TMEM132B: variants seen among roughly 807,000 people sequenced by gnomAD.
TMEM132B encodes the protein transmembrane protein 132B.
In TMEM132B, 18 loss-of-function variants were observed where a neutral mutation model predicts 90.8. The observed-to-expected ratio is 0.20, with a 90% CI of 0.14 to 0.29. The LOEUF (loss-of-function observed/expected upper bound fraction) is 0.29. Among genes scored for constraint, TMEM132B ranks in the 10% least tolerant of loss-of-function variants. The pLI, the probability that TMEM132B is intolerant of heterozygous loss-of-function variation, is 1.00. For synonymous variants in TMEM132B, 504 were observed against 523.3 expected, an observed-to-expected ratio of 0.96 and a Z score of 0.50; for missense variants, 1,096 against 1,326.8, an observed-to-expected ratio of 0.83 and a Z score of 2.70.
Position 125,349,843 on chromosome 12 carries a change from T to G in TMEM132B, c.459T>G (p.Asp153Glu). The G allele has an allele frequency of 3.1e-6, 5 of 1,614,006 alleles. No individual in the cohort carries two copies. Among genetic ancestry groups the G allele is most frequent in the Non-Finnish European group, 4.2e-6 (5 of 1,179,976 alleles). ...TTTATGTCACTGGCATGGGCTGGGATGACAGTGACCTTACGGAAGATCTAC... is the reference window on the plus strand; with the variant it reads ...TTTATGTCACTGGCATGGGCTGGGAGGACAGTGACCTTACGGAAGATCTAC... The part of the protein sequence containing the change: ...TLFYVTGMGW[D>E]DSDLTEDLPC... Residue 153 changes from aspartate to glutamate, a missense_variant, in exon 2 of 9, where the codon GAT becomes GAG. Physicochemically the swap from Asp to Glu is conservative, Grantham distance 45. Transcript: ENST00000682704. The surrounding 1 kb of genome is among the most constrained non-coding windows in gnomAD (Gnocchi z 4.1).
At chr12:125,565,798 G>A (rs767685673) in intron 4 of TMEM132B, among the ~76,000 whole-genome samples, 2 of 152,188 alleles carry the variant, frequency 1.3e-5, no homozygotes, top group Non-Finnish European at 2.9e-5. Flanking sequence ...GGGGTTTGGG[G>A]TTTATATGAG....
At chr12:125,364,182 A>G (rs1049258566) in intron 2 of TMEM132B, among the ~76,000 whole-genome samples, 3 of 152,244 alleles carry the variant, frequency 2.0e-5, no homozygotes, top group African/African-American at 4.8e-5. Context: ...AAGGGTGTCT[A>G]GGGAACTTCA....
intron 4 of TMEM132B, among the ~76,000 whole-genome samples, chr12:125,581,496 G>A (rs1298207541): frequency 6.6e-6 from 1 of 152,196 alleles, no homozygotes; most frequent in African/African-American, 2.4e-5. Flanking sequence ...GCCAAGGGCT[G>A]GAATACCTGG....
intron 4 of TMEM132B, among the ~76,000 whole-genome samples, chr12:125,568,812 C>G (rs946974977): frequency 6.6e-5 from 10 of 152,154 alleles, no homozygotes; most frequent in African/African-American, 2.4e-4. Flanking sequence ...ATTATTTGCC[C>G]TTTATGTGGG....
At chr12:125,521,850 G>T (rs1269443209) in intron 4 of TMEM132B, among the ~76,000 whole-genome samples, 1 of 152,192 alleles carries the variant, frequency 6.6e-6, no homozygotes, top group Non-Finnish European at 1.5e-5. Flanking sequence ...GCTGGCTGAG[G>T]CATAAGCTTA....
At chr12:125,199,025 C>A (rs537556116) in intron 1 of TMEM132B, among the ~76,000 whole-genome samples, 2 of 152,332 alleles carry the variant, frequency 1.3e-5, no homozygotes, top group South Asian at 4.1e-4. Context: ...TTTGACCCAG[C>A]AATCCCACTT....
chr12:125,425,043 T>G (rs1880276357), intron 3 of TMEM132B, among the ~76,000 whole-genome samples: 1 of 149,910 alleles, frequency 6.7e-6, no homozygotes, highest in Non-Finnish European at 1.5e-5. Context: ...GGATGGGGAA[T>G]GGGGTGGGGT....
chr12:125,492,653 G>A lies in TMEM132B; in HGVS notation c.1107-26786G>A, dbSNP rs955539676. On this transcript the variant is annotated intron_variant, in intron 3 of 8. Transcript: ENST00000682704. The surrounding 1 kb of genome is among the most constrained non-coding windows in gnomAD (Gnocchi z 5.8). Reference sequence around the variant, plus strand: ...GCAGGGCAGGCATGGGGTCTGAGAGGGGCAGGAAGGCAGTGGTGGCCCGGC... The same window carrying A: ...GCAGGGCAGGCATGGGGTCTGAGAGAGGCAGGAAGGCAGTGGTGGCCCGGC... Among the ~76,000 whole-genome samples, 3 of 152,110 alleles carry A rather than the reference G, an allele frequency of 2.0e-5. No individual in the cohort carries two copies. The highest frequency in any genetic ancestry group is 4.4e-5 in the Non-Finnish European group (3 of 68,002).
intron 3 of TMEM132B, among the ~76,000 whole-genome samples, chr12:125,488,485 C>A (rs1270486018): frequency 1.3e-5 from 2 of 152,096 alleles, no homozygotes; most frequent in Non-Finnish European, 2.9e-5. Flanking sequence ...GCGGGTCTTT[C>A]CTATGCTGTT....
intron 1 of TMEM132B, among the ~76,000 whole-genome samples, chr12:125,310,342 T>C (rs1038198237): frequency 6.6e-6 from 1 of 152,066 alleles, no homozygotes; most frequent in Non-Finnish European, 1.5e-5. Flanking sequence ...GAGGTGGTGG[T>C]GTGGATGGTG....
At chr12:125,391,715 A>G (rs907689383) in intron 2 of TMEM132B, among the ~76,000 whole-genome samples, 5 of 152,164 alleles carry the variant, frequency 3.3e-5, no homozygotes, top group South Asian at 4.1e-4. Context: ...AAACCCTAAA[A>G]GAGAGTACAA....
rs750525380 is a variant in TMEM132B, at chr12:125,350,004, C to T, written c.620C>T (p.Pro207Leu). 6.2e-7 allele frequency: 1 copy of T among 1,614,202 alleles called. No homozygotes were observed. Among genetic ancestry groups the T allele is most frequent in the South Asian group, 1.1e-5 (1 of 91,092 alleles). Residue 207 changes from proline (P) to leucine (L), a missense_variant, in exon 2 of 9, where the codon CCA becomes CTA. Physicochemically the swap from Pro to Leu is moderately conservative, Grantham distance 98 (BLOSUM62 -3). Transcript: ENST00000682704. ...EWFSSGLDLE[P>L]EEEIPALLGG... ...TTCAGCTCAGGCCTGGACCTGGAAC[C>T]AGAGGAGGAGATCCCAGCCCTGCTC...
intron 3 of TMEM132B, among the ~76,000 whole-genome samples, chr12:125,464,572 G>T (rs1881517824): frequency 6.6e-6 from 1 of 152,202 alleles, no homozygotes; most frequent in Non-Finnish European, 1.5e-5. Context: ...AGCATCTACT[G>T]CAGGGCCTGG....
chr12:125,349,068 A>G lies in TMEM132B; in HGVS notation c.68-384A>G, dbSNP rs1163444090. Reference sequence around the variant, plus strand: ...ATAAGGCACTAACGTGTCACATACAATGGTGCAATGCCTGATTGGTAGACT... The same window carrying G: ...ATAAGGCACTAACGTGTCACATACAGTGGTGCAATGCCTGATTGGTAGACT... On this transcript the variant is annotated intron_variant, in intron 1 of 8. Coordinates refer to ENST00000682704, the MANE Select transcript of TMEM132B (RefSeq NM_001366854.1). This position sits in a 1 kb window ranked among gnomAD's most constrained non-coding sequence, Gnocchi z 4.1. Among the ~76,000 whole-genome samples the G allele has an allele frequency of 1.3e-5, 2 of 152,236 alleles. No homozygotes were observed. The highest frequency in any genetic ancestry group is 2.9e-5 in the Non-Finnish European group (2 of 68,040).
chr12:125,647,230 G>A (rs992519959), intron 6 of TMEM132B, among the ~76,000 whole-genome samples: 1 of 152,146 alleles, frequency 6.6e-6, no homozygotes, highest in Admixed American at 6.5e-5. Context: ...CATAACAAAA[G>A]ATCTAGGATT....
chr12:125,288,170 G>A (rs985023129), intron 1 of TMEM132B, among the ~76,000 whole-genome samples: 1 of 150,334 alleles, frequency 6.7e-6, no homozygotes, highest in African/African-American at 2.4e-5. Context: ...CACTGCACCC[G>A]GCCTCTTTCT....
chr12:125,199,739 C>T (rs1341472608), intron 1 of TMEM132B, among the ~76,000 whole-genome samples: 1 of 152,034 alleles, frequency 6.6e-6, no homozygotes, highest in Non-Finnish European at 1.5e-5. Context: ...GATTTTTGTC[C>T]TCATGGCTCA....
At chr12:125,307,777 T>TTGTAATATATGTATATATG (rs1876018674) in intron 1 of TMEM132B, among the ~76,000 whole-genome samples, 3 of 93,022 alleles carry the variant, frequency 3.2e-5, no homozygotes, top group African/African-American at 1.3e-4. Context: ...GTATATATAC[T>TTGTAATATATGTATATATG]TATAATACAA....
chr12:125,392,554 C>G (rs577950247), intron 2 of TMEM132B, among the ~76,000 whole-genome samples: 103 of 152,318 alleles, frequency 6.8e-4, no homozygotes, highest in African/African-American at 2.4e-3. Context: ...AGGTTGTGCT[C>G]TTAGCCCCTT....
Sources: gnomAD v4.1 joint callset for allele counts (sites outside exome capture counted in the v4.1 genomes callset) on GRCh38, gnomAD v4.1.1 for gene constraint, Gnocchi (gnomAD v3.1) non-coding constraint, MANE v1.5 for transcripts, NCBI Gene and HGNC (gene_info 2026-07-23, HGNC 2026-07-21) for gene names.